The following CEP170B variants were observed in gnomAD, a reference collection of about 807,000 sequenced individuals.
The protein encoded by CEP170B is centrosomal protein of 170 kDa protein B.
Under a neutral mutation model 120.6 loss-of-function variants are expected in CEP170B, and 55 were observed. The observed-to-expected ratio is 0.46, with a 90% CI of 0.37 to 0.57. The LOEUF (loss-of-function observed/expected upper bound fraction) is 0.57, where lower values mean the gene tolerates loss of function less well. Ranked by LOEUF, CEP170B falls within the 20% of genes least tolerant of loss-of-function variation. The pLI, the probability that CEP170B is intolerant of heterozygous loss-of-function variation, is 0.00. For missense variants in CEP170B, 2,212 were observed against 2,253.3 expected (o/e 0.98, Z 0.37); for synonymous variants, 1,033 against 954.5 (o/e 1.08, Z -1.52).
intron 12 of CEP170B, chr14:104,889,398 C>G (rs548257390): frequency 8.4e-7 from 1 of 1,194,198 alleles, no homozygotes. Flanking sequence ...GCACCAGCCT[C>G]GACGCTGCCC....
chr14:104,883,817 C>G lies in CEP170B; in HGVS notation c.1052-14C>G, dbSNP rs1186530607. 20 of 1,523,644 alleles carry G rather than the reference C, an allele frequency of 1.3e-5. No homozygotes were observed. The highest frequency in any genetic ancestry group is 1.7e-5 in the Non-Finnish European group (19 of 1,134,076). 94.4% of individuals were successfully genotyped at this position (1,523,644 alleles called of 1,614,324 possible). On this transcript the variant is annotated splice_polypyrimidine_tract_variant and intron_variant, in intron 8 of 18. Transcript: ENST00000414716. ...CTCTCGGCCTGACAAGGTGGGGTCCCCTGTCTCCCCCAGGCCACAAGCACG... is the reference window on the plus strand; with the variant it reads ...CTCTCGGCCTGACAAGGTGGGGTCCGCTGTCTCCCCCAGGCCACAAGCACG...
intron 2 of CEP170B, 57 bp from the exon 3 acceptor site, chr14:104,876,199 T>C: frequency 1.3e-6 from 2 of 1,516,880 alleles, no homozygotes; most frequent in Non-Finnish European, 8.9e-7. Context: ...TGCCTCTGCC[T>C]CTTGGGTGTC....
In CEP170B at chr14:104,896,411, C is replaced by T. The variant is rs1897076901; in HGVS notation, c.*1453C>T. On this transcript the variant is annotated 3_prime_UTR_variant, in exon 19 of 19. Transcript: ENST00000414716. Reference sequence around the variant, plus strand: ...TGTATGGAGGAGGTGCTAGCCCGGTCCACCGGGCTGCTGCCCACCCCTGCA... The same window carrying T: ...TGTATGGAGGAGGTGCTAGCCCGGTTCACCGGGCTGCTGCCCACCCCTGCA... 1.4e-5 allele frequency: 5 copies of T among 369,162 alleles called. No homozygotes were observed. Among genetic ancestry groups the T allele is most frequent in the Non-Finnish European group, 2.7e-5 (5 of 184,494 alleles). The allele number at this position is 369,162 out of a possible 1,614,324, so 22.9% of individuals were successfully genotyped here. A position where few individuals can be genotyped will look rare whatever the true frequency, so the allele number is the denominator to read the frequency against.
At chr14:104,888,633 C>T (rs1896640325) in intron 12 of CEP170B, among the ~76,000 whole-genome samples, 1 of 152,238 alleles carries the variant, frequency 6.6e-6, no homozygotes, top group African/African-American at 2.4e-5. Flanking sequence ...CGGGGCCCAC[C>T]CCGCCCGCCG....
intron 7 of CEP170B, 79 bp downstream of exon 7, chr14:104,882,911 G>C (rs534694645): frequency 1.3e-6 from 2 of 1,490,520 alleles, no homozygotes; most frequent in Admixed American, 4.0e-5. Context: ...TGGGCTTGAG[G>C]AGCCCACTCC....
rs1367697870 is a variant in CEP170B, at chr14:104,883,876, T to C, written c.1097T>C (p.Leu366Pro). The C allele has an allele frequency of 6.3e-7, 1 of 1,577,252 alleles. No homozygotes were observed. The highest frequency in any genetic ancestry group is 8.6e-7 in the Non-Finnish European group (1 of 1,162,318). ...DGTQSDSEDP[L>P]AKAASAAGVP... Reference sequence around the variant, plus strand: ...ACGCAGAGTGACTCAGAGGACCCCCTGGCCAAGGCGGCCTCGGCCGCTGGG... The same window carrying C: ...ACGCAGAGTGACTCAGAGGACCCCCCGGCCAAGGCGGCCTCGGCCGCTGGG... Residue 366 changes from leucine (L) to proline (P), a missense_variant, in exon 9 of 19, where the codon CTG (leucine) becomes CCG (proline). Coordinates refer to ENST00000414716, the MANE Select transcript of CEP170B (RefSeq NM_001112726.3).
intron 18 of CEP170B, 58 bp from the exon 19 acceptor site, chr14:104,894,653 C>G (rs1293279616): frequency 1.3e-6 from 2 of 1,583,432 alleles, no homozygotes; most frequent in Admixed American, 3.5e-5. Context: ...AACCCTGACT[C>G]ACAGGGTGGG....
rs1282001064 is a variant in CEP170B, at chr14:104,886,961, C to G, written c.2722C>G (p.Gln908Glu). Residue 908 changes from glutamine (Q) to glutamate (E), a missense_variant, in exon 12 of 19, where the codon CAG (glutamine) becomes GAG (glutamate). Around this residue, in one of 2 missense-constraint regions of CEP170B, gnomAD observed 2,166 missense variants for 2,166.7 expected, o/e 1.00. Coordinates refer to ENST00000414716, the MANE Select transcript of CEP170B (RefSeq NM_001112726.3). Reference sequence around the variant, plus strand: ...GGCCGCACGCATGGACTTCCACTCCCAGGACACCCACCTGATCTTGAAGGA... The same window carrying G: ...GGCCGCACGCATGGACTTCCACTCCGAGGACACCCACCTGATCTTGAAGGA... ...TRAARMDFHSQDTHLILKETE... is the reference protein window; with the variant it reads ...TRAARMDFHSEDTHLILKETE... 6.2e-7 allele frequency: 1 copy of G among 1,608,816 alleles called. No individual in the cohort carries two copies. The highest frequency in any genetic ancestry group is 8.5e-7 in the Non-Finnish European group (1 of 1,179,816).
chr14:104,879,344 G>A (rs1896021898), intron 5 of CEP170B, among the ~76,000 whole-genome samples: 1 of 152,142 alleles, frequency 6.6e-6, no homozygotes, highest in African/African-American at 2.4e-5. Context: ...CTCATGCCCA[G>A]GGGATTAAGT....
chr14:104,893,835 T>C lies in CEP170B; in HGVS notation c.4257T>C (p.Leu1419=), dbSNP rs1488714488. The change falls in exon 16 of 19, where the codon CTT becomes CTC. Residue 1419 remains leucine, a synonymous_variant. Transcript: ENST00000414716. ...CCATCCGTGAGAACACAGAGCACCT[T>C]GCCGAGAAGATGAAGTGAGTCGGCT... is the stretch of plus-strand genomic sequence containing the variant. The part of the protein sequence containing the change: ...SQAIRENTEH[L]AEKMKILFQN... The C allele has an allele frequency of 1.9e-6, 3 of 1,612,362 alleles. No individual in the cohort carries two copies. Among genetic ancestry groups the C allele is most frequent in the Admixed American group, 3.3e-5 (2 of 59,932 alleles).
chr14:104,868,394 GC>G lies in CEP170B; in HGVS notation c.-27-26del, dbSNP rs1200430440. 2 of 1,471,154 alleles carry G rather than the reference GC, an allele frequency of 1.4e-6. No individual in the cohort carries two copies. The highest frequency in any genetic ancestry group is 4.9e-5 in the East Asian group (2 of 40,516). 91.1% of individuals were successfully genotyped at this position (1,471,154 alleles called of 1,614,324 possible). A position where few individuals can be genotyped will look rare whatever the true frequency, so the allele number is the denominator to read the frequency against. On this transcript the variant is annotated intron_variant, in intron 1 of 18. Transcript: ENST00000414716. The surrounding 1 kb of genome is among the most constrained non-coding windows in gnomAD (Gnocchi z 5.9). ...AGGGGGCTAAGAACCAGGCCAGGGAGCCCCACTCTAACAATCCCCTCTTCCC... is the reference window on the plus strand; with the variant it reads ...AGGGGGCTAAGAACCAGGCCAGGGAGCCCACTCTAACAATCCCCTCTTCCC...
rs1896081743 is a variant in CEP170B, at chr14:104,880,387, A to G, written c.434A>G (p.Asn145Ser). The G allele has an allele frequency of 6.2e-7, 1 of 1,612,580 alleles. No individual in the cohort carries two copies. The change falls in exon 6 of 19, where the codon AAC (asparagine) becomes AGC (serine). Residue 145 changes from asparagine (N) to serine (S), a missense_variant. Asn to Ser is a conservative substitution (Grantham distance 46). Coordinates refer to ENST00000414716, the MANE Select transcript of CEP170B (RefSeq NM_001112726.3). ...CACACACCATACTGCGAGGCCTCGAACCCCAGGCCGGAGAAGGGGGACCGG... is the reference window on the plus strand; with the variant it reads ...CACACACCATACTGCGAGGCCTCGAGCCCCAGGCCGGAGAAGGGGGACCGG... ...PEHTPYCEAS[N>S]PRPEKGDRRP...
At chr14:104,890,376 GGA>G (rs1896762729) in intron 13 of CEP170B, among the ~76,000 whole-genome samples, 1 of 137,200 alleles carries the variant, frequency 7.3e-6, no homozygotes, top group Non-Finnish European at 1.6e-5. Flanking sequence ...GTGGGTGGGT[GGA>G]TGGATGGATG....
At position 104,893,649 on chromosome 14, in the gene CEP170B, C is replaced by T. The variant is rs1896955065; in HGVS notation, c.4165C>T (p.Pro1389Ser). The change falls in exon 15 of 19, where the codon CCT becomes TCT. Residue 1389 changes from proline (P) to serine (S), a missense_variant. Physicochemically the swap from Pro to Ser is moderately conservative, Grantham distance 74. This residue lies in a region of CEP170B where 2,166 missense variants were observed against 2,166.7 expected (regional missense o/e 1.00). Coordinates refer to ENST00000414716, the MANE Select transcript of CEP170B (RefSeq NM_001112726.3). Reference sequence around the variant, plus strand: ...GGACGCCCTGGCCAACAAGACGCGGCCTCGGAACCGAGAGGAGGCACGGTG... The same window carrying T: ...GGACGCCCTGGCCAACAAGACGCGGTCTCGGAACCGAGAGGAGGCACGGTG... ...CEDALANKTR[P>S]RNREEVIFDN... 6.3e-6 allele frequency: 10 copies of T among 1,589,512 alleles called. No homozygotes were observed. The highest frequency in any genetic ancestry group is 3.3e-4 in the Middle Eastern group (2 of 6,048).
chr14:104,874,385 C>A (rs766743607), intron 2 of CEP170B, among the ~76,000 whole-genome samples: 1 of 152,136 alleles, frequency 6.6e-6, no homozygotes, highest in Non-Finnish European at 1.5e-5. Context: ...CAAGGTCAGA[C>A]CCACTCTCAG....
intron 2 of CEP170B, among the ~76,000 whole-genome samples, chr14:104,874,829 C>T (rs1895751596): frequency 6.6e-6 from 1 of 151,964 alleles, no homozygotes; most frequent in African/African-American, 2.4e-5. Context: ...TGCTGGGTGG[C>T]AGTGGCACTA....
At position 104,887,134 on chromosome 14, in the gene CEP170B, T is replaced by C; in HGVS notation, c.2895T>C (p.Arg965=). 1.2e-6 allele frequency: 2 copies of C among 1,610,268 alleles called. No individual in the cohort carries two copies. Among genetic ancestry groups the C allele is most frequent in the Non-Finnish European group, 1.7e-6 (2 of 1,179,694 alleles). Residue 965 remains arginine (R), a synonymous_variant, in exon 12 of 19, where the codon CGT becomes CGC. Transcript: ENST00000414716. ...ACACAGCCAGCACCGTCAGCCTGCG[T>C]AGTGGCAAGAGCGGGCCCAGCCCCA... ...DVDTASTVSL[R]SGKSGPSPTT...
rs776146233 is a variant in CEP170B, at chr14:104,892,951, C to T, written c.3879-25C>T. On this transcript the variant is annotated intron_variant, in intron 13 of 18. Transcript: ENST00000414716. ...TGCCCCGACTTCCTCTGTGCAGAAC[C>T]TGCCGTCTTTCCTGCCGGCTGCAGG... The T allele has an allele frequency of 5.2e-6, 8 of 1,552,722 alleles. No individual in the cohort carries two copies. In the East Asian group the frequency reaches 1.7e-4, roughly 33 times the overall value.
At chr14:104,890,458 GTGGA>G (rs1284738866) in intron 13 of CEP170B, among the ~76,000 whole-genome samples, 44 of 140,702 alleles carry the variant, frequency 3.1e-4, no homozygotes, top group Non-Finnish European at 5.2e-4. Context: ...GAGTGGGTGG[GTGGA>G]TGGATGGATG....
Sources: gnomAD v4.1 joint callset for allele counts (sites outside exome capture counted in the v4.1 genomes callset) on GRCh38, gnomAD v4.1.1 for gene constraint, gnomAD v4.1.1 regional missense constraint, Gnocchi (gnomAD v3.1) non-coding constraint, MANE v1.5 for transcripts, NCBI Gene and HGNC (gene_info 2026-07-23, HGNC 2026-07-21) for gene names.